The following OSBPL9 variants were observed in gnomAD, a reference collection of about 807,000 sequenced individuals.
OSBPL9 encodes oxysterol-binding protein-related protein 9.
OSBPL9 carries 40 observed loss-of-function variants against 106.6 expected under a neutral mutation model. The observed-to-expected ratio is 0.38, with a 90% CI of 0.29 to 0.49. The LOEUF is 0.49. OSBPL9 is among the 20% of genes least tolerant of loss of function. The probability of loss-of-function intolerance (pLI) is 0.97; values close to 1 mark genes in which losing one functional copy is unlikely to be tolerated. For missense variants in OSBPL9, 609 were observed against 887.2 expected, an observed-to-expected ratio of 0.69 and a Z score of 3.98; for synonymous variants, 269 against 295.4, an observed-to-expected ratio of 0.91 and a Z score of 0.92.
the OSBPL9 span, among the ~76,000 whole-genome samples, chr1:51,523,941 A>G: frequency 6.6e-6 from 1 of 152,192 alleles, no homozygotes; most frequent in African/African-American, 2.4e-5. Context: ...TATGGAAAAA[A>G]AAACTGAGGA....
intron 8 of OSBPL9, among the ~76,000 whole-genome samples, chr1:51,754,592 A>G (rs1437972663): frequency 1.3e-5 from 2 of 152,242 alleles, no homozygotes; most frequent in East Asian, 3.8e-4. Flanking sequence ...TCCTAAGTCT[A>G]GACCAGTGCT....
Position 51,748,467 on chromosome 1 carries a change from A to G in OSBPL9, c.492+69A>G, listed in dbSNP as rs142483288. 1,825 of 1,384,554 alleles carry G rather than the reference A, an allele frequency of 1.3e-3. 31 individuals are homozygous for G. In the East Asian group the frequency reaches 0.042, roughly 32 times the overall value. 85.8% of individuals were successfully genotyped at this position (1,384,554 alleles called of 1,614,324 possible). On this transcript the variant is annotated intron_variant, in intron 7 of 23. Coordinates refer to ENST00000428468, the MANE Select transcript of OSBPL9 (RefSeq NM_024586.6). Reference sequence around the variant, plus strand: ...GTTTTAAAAAGTTATTTCTATTTTAAGCTGCCACTATTGATGACAGCAATT... The same window carrying G: ...GTTTTAAAAAGTTATTTCTATTTTAGGCTGCCACTATTGATGACAGCAATT...
intron 8 of OSBPL9, among the ~76,000 whole-genome samples, chr1:51,753,507 A>G (rs1457505217): frequency 3.3e-5 from 5 of 152,208 alleles, no homozygotes; most frequent in Non-Finnish European, 7.3e-5. Context: ...TCCATTGAGT[A>G]CTGATGGAAA....
chr1:51,695,319 C>T (rs1173418331), intron 3 of OSBPL9, among the ~76,000 whole-genome samples: 1 of 152,174 alleles, frequency 6.6e-6, no homozygotes, highest in Non-Finnish European at 1.5e-5. Flanking sequence ...AGTTTTACCA[C>T]CATTGTTCTT....
the OSBPL9 span, among the ~76,000 whole-genome samples, chr1:51,568,011 T>C: frequency 6.6e-6 from 1 of 152,228 alleles, no homozygotes; most frequent in African/African-American, 2.4e-5. Flanking sequence ...ATAAAAGGAC[T>C]ATTTACAAAG....
intron 15 of OSBPL9, among the ~76,000 whole-genome samples, chr1:51,779,444 A>G (rs962519316): frequency 2.6e-5 from 4 of 152,256 alleles, no homozygotes; most frequent in Admixed American, 2.6e-4. Flanking sequence ...AAATCATAAA[A>G]ATTCTAGAAG....
chr1:51,667,529 G>A (rs2148755684), intron 2 of OSBPL9, among the ~76,000 whole-genome samples: 1 of 152,282 alleles, frequency 6.6e-6, no homozygotes, highest in African/African-American at 2.4e-5. Flanking sequence ...CATCCAGAGA[G>A]AGATAACTTT....
chr1:51,728,082 T>C (rs1039486367), intron 4 of OSBPL9, among the ~76,000 whole-genome samples: 8 of 151,814 alleles, frequency 5.3e-5, no homozygotes, highest in Non-Finnish European at 8.8e-5. Context: ...ATTAAAGGAG[T>C]TTGAAAAAGG....
intron 1 of OSBPL9, among the ~76,000 whole-genome samples, chr1:51,621,346 G>A (rs2148625629): frequency 6.6e-6 from 1 of 151,986 alleles, no homozygotes; most frequent in Admixed American, 6.6e-5. Flanking sequence ...ACAAAAATTT[G>A]CCCTGCTGTG....
intron 4 of OSBPL9, among the ~76,000 whole-genome samples, chr1:51,731,645 C>T (rs1366269171): frequency 2.0e-5 from 3 of 151,584 alleles, no homozygotes; most frequent in East Asian, 1.9e-4. Context: ...GGCGTGGTGG[C>T]GGGCGCCTGT....
intron 1 of OSBPL9, among the ~76,000 whole-genome samples, chr1:51,632,175 A>G (rs1406177924): frequency 6.6e-6 from 1 of 152,194 alleles, no homozygotes; most frequent in Admixed American, 6.5e-5. Flanking sequence ...TAGTAAATAT[A>G]TAAGGTAATG....
At chr1:51,646,178 A>G (rs77529758) in intron 1 of OSBPL9, among the ~76,000 whole-genome samples, 1,825 of 152,288 alleles carry the variant, frequency 0.012, 38 homozygotes, top group African/African-American at 0.042. Context: ...TTTGATAGGT[A>G]TTATATTGAA....
intron 8 of OSBPL9, chr1:51,752,426 C>G (rs1669449134): frequency 4.8e-6 from 2 of 416,204 alleles, no homozygotes; most frequent in South Asian, 3.4e-5. Context: ...GTTTCTTTTT[C>G]TTCGTGGCCT....
chr1:51,578,817 CAAGT>C (rs1199532810), intron 1 of OSBPL9, among the ~76,000 whole-genome samples: 1 of 152,070 alleles, frequency 6.6e-6, no homozygotes, highest in Non-Finnish European at 1.5e-5. Flanking sequence ...AAACAGTAAA[CAAGT>C]AAACAGACAA....
chr1:51,535,398 G>A, the OSBPL9 span, among the ~76,000 whole-genome samples: 6 of 152,086 alleles, frequency 3.9e-5, no homozygotes, highest in African/African-American at 9.7e-5. Flanking sequence ...TCTGATCAGT[G>A]AACAAACCTA....
intron 14 of OSBPL9, 113 bp downstream of exon 14, chr1:51,772,836 T>G (rs1674232561): frequency 1.3e-6 from 1 of 768,078 alleles, no homozygotes; most frequent in Non-Finnish European, 2.3e-6. Flanking sequence ...TATACCTGTG[T>G]CTTCTTGTGA....
the OSBPL9 span, among the ~76,000 whole-genome samples, chr1:51,530,181 A>AAAAAAAAAG: frequency 1.6e-5 from 2 of 121,578 alleles, no homozygotes; most frequent in Non-Finnish European, 3.4e-5. Flanking sequence ...AAAAAAAAAA[A>AAAAAAAAAG]AAAAAAAAAA....
At chr1:51,712,214 C>T (rs1344358119) in intron 3 of OSBPL9, among the ~76,000 whole-genome samples, 2 of 152,226 alleles carry the variant, frequency 1.3e-5, no homozygotes, top group African/African-American at 2.4e-5. Context: ...GGCTGGAGAC[C>T]GGCCCGGCCA....
chr1:51,644,198 G>T (rs546128182), intron 1 of OSBPL9, among the ~76,000 whole-genome samples: 3 of 150,740 alleles, frequency 2.0e-5, no homozygotes, highest in African/African-American at 7.3e-5. Flanking sequence ...TTGAGAGTTT[G>T]TTTTTCTTTT....
Sources: allele counts gnomAD v4.1 joint callset (sites outside exome capture counted in the v4.1 genomes callset), GRCh38; gene constraint gnomAD v4.1.1; transcripts MANE v1.5; gene names NCBI Gene and HGNC (gene_info 2026-07-23, HGNC 2026-07-21).